LHFPL3: variants seen among roughly 807,000 people sequenced by gnomAD.
LHFPL3 encodes the protein LHFPL tetraspan subfamily member 3 protein.
In LHFPL3, 5 loss-of-function variants were observed where a neutral mutation model predicts 19.3. That is an observed-to-expected ratio of 0.26 (90% CI 0.14 to 0.54). LHFPL3 has a LOEUF of 0.54. LHFPL3 is among the 20% of genes least tolerant of loss of function. The probability of loss-of-function intolerance (pLI) is 0.94; values close to 1 mark genes in which losing one functional copy is unlikely to be tolerated. For synonymous variants in LHFPL3, 133 were observed against 126.2 expected (o/e 1.05, Z -0.36); for missense variants, 249 against 307.4 (o/e 0.81, Z 1.42).
intron 2 of LHFPL3, among the ~76,000 whole-genome samples, chr7:104,844,177 C>T (rs776330253): frequency 2.0e-5 from 3 of 152,222 alleles, no homozygotes; most frequent in Non-Finnish European, 4.4e-5. Context: ...GAGAAGTTCA[C>T]CCGCCTGCAT....
At chr7:104,341,811 C>G (rs1482668494) in intron 1 of LHFPL3, among the ~76,000 whole-genome samples, 1 of 152,086 alleles carries the variant, frequency 6.6e-6, no homozygotes, top group African/African-American at 2.4e-5. Flanking sequence ...AGGGTCAGGT[C>G]CAGACTCATT....
intron 1 of LHFPL3, among the ~76,000 whole-genome samples, chr7:104,565,129 C>T (rs1790094234): frequency 2.0e-5 from 3 of 152,136 alleles, no homozygotes; most frequent in Admixed American, 2.0e-4. Flanking sequence ...AAATAGTGGA[C>T]CAGTAGATTT....
intron 1 of LHFPL3, among the ~76,000 whole-genome samples, chr7:104,440,183 T>TA (rs1369077450): frequency 3.4e-5 from 5 of 146,444 alleles, no homozygotes; most frequent in Non-Finnish European, 6.0e-5. Flanking sequence ...ATAATAATAA[T>TA]AAAAAAATAC....
chr7:104,434,428 G>T (rs1258111854), intron 1 of LHFPL3, among the ~76,000 whole-genome samples: 8 of 152,212 alleles, frequency 5.3e-5, no homozygotes, highest in East Asian at 1.9e-4. Flanking sequence ...GGGATGACAT[G>T]CATCGCTTAC....
intron 1 of LHFPL3, among the ~76,000 whole-genome samples, chr7:104,478,182 T>A (rs1455244890): frequency 6.6e-6 from 1 of 152,226 alleles, no homozygotes; most frequent in Non-Finnish European, 1.5e-5. Flanking sequence ...GACTTTTTTT[T>A]ATTGGATATT....
chr7:104,375,168 G>A lies in LHFPL3; in HGVS notation c.445+45944G>A, dbSNP rs536695777. ...AGCCTGGCCAACATGGTGAAACCCC[G>A]TCTCTACTGAAAATACAAAAATTAG... On this transcript the variant is annotated intron_variant, in intron 1 of 2. Transcript: ENST00000424859. Among the ~76,000 whole-genome samples the A allele has an allele frequency of 3.2e-4, 49 of 152,114 alleles. No homozygotes were observed. The South Asian group carries it at 7.7e-3, about 24-fold the overall frequency.
intron 1 of LHFPL3, among the ~76,000 whole-genome samples, chr7:104,502,843 T>C (rs1382606502): frequency 1.3e-5 from 2 of 152,222 alleles, no homozygotes; most frequent in Non-Finnish European, 2.9e-5. Flanking sequence ...ACAGGATGGT[T>C]CTGATAAGTC....
intron 1 of LHFPL3, among the ~76,000 whole-genome samples, chr7:104,576,711 C>T (rs1227949338): frequency 6.6e-6 from 1 of 152,044 alleles, no homozygotes; most frequent in Non-Finnish European, 1.5e-5. Flanking sequence ...GACCCTGTAG[C>T]CCCCAGTGCC....
intron 1 of LHFPL3, among the ~76,000 whole-genome samples, chr7:104,670,861 G>GTTTTTTTTTTTT (rs765180265): frequency 4.1e-5 from 6 of 146,448 alleles, no homozygotes; most frequent in Non-Finnish European, 9.1e-5. Context: ...AATGTGTTTT[G>GTTTTTTTTTTTT]TTTTGTTTTT....
chr7:104,382,906 C>T (rs1284347144), intron 1 of LHFPL3, among the ~76,000 whole-genome samples: 1 of 82,656 alleles, frequency 1.2e-5, no homozygotes, highest in Non-Finnish European at 2.4e-5. Flanking sequence ...GCAAAATAAT[C>T]AAAATGCCTA....
At chr7:104,565,323 A>C (rs1163650443) in intron 1 of LHFPL3, among the ~76,000 whole-genome samples, 1 of 152,212 alleles carries the variant, frequency 6.6e-6, no homozygotes, top group Non-Finnish European at 1.5e-5. Flanking sequence ...CCTAATAAGA[A>C]AGTTCTGTGC....
At chr7:104,501,021 A>G (rs1793590158) in intron 1 of LHFPL3, among the ~76,000 whole-genome samples, 1 of 152,150 alleles carries the variant, frequency 6.6e-6, no homozygotes. Flanking sequence ...TTGTCATTTT[A>G]TATTGCAACT....
intron 1 of LHFPL3, among the ~76,000 whole-genome samples, chr7:104,502,660 C>T (rs1793622960): frequency 6.6e-6 from 1 of 152,150 alleles, no homozygotes; most frequent in South Asian, 2.1e-4. Context: ...TGTATTTGTG[C>T]AAGATCCTTG....
chr7:104,498,624 C>T (rs979907248), intron 1 of LHFPL3, among the ~76,000 whole-genome samples: 4 of 151,732 alleles, frequency 2.6e-5, no homozygotes, highest in Non-Finnish European at 5.9e-5. Flanking sequence ...ACTACAGGCG[C>T]CTGCCACCAC....
chr7:104,745,302 C>T (rs1486286828), intron 2 of LHFPL3, among the ~76,000 whole-genome samples: 2 of 152,194 alleles, frequency 1.3e-5, no homozygotes, highest in East Asian at 3.9e-4. Context: ...GAACTGCAGC[C>T]ACCATCCAAT....
chr7:104,403,744 TCTC>T (rs1791362408), intron 1 of LHFPL3, among the ~76,000 whole-genome samples: 2 of 152,092 alleles, frequency 1.3e-5, no homozygotes, highest in Middle Eastern at 3.4e-3. Context: ...TCTCTCTCTC[TCTC>T]TCTCTCTCTC....
chr7:104,641,296 G>A (rs540473878), intron 1 of LHFPL3, among the ~76,000 whole-genome samples: 1 of 152,204 alleles, frequency 6.6e-6, no homozygotes, highest in Non-Finnish European at 1.5e-5. Context: ...ATCAACCGCT[G>A]AGTCAAATTA....
chr7:104,411,087 A>C (rs939116331), intron 1 of LHFPL3, among the ~76,000 whole-genome samples: 6 of 152,238 alleles, frequency 3.9e-5, no homozygotes, highest in African/African-American at 1.4e-4. Context: ...GATTAGTTTC[A>C]GTGAGCGTAT....
At chr7:104,798,248 C>G (rs1790171731) in intron 2 of LHFPL3, 1 of 152,076 alleles carries the variant, frequency 6.6e-6, no homozygotes, top group African/African-American at 2.4e-5. Flanking sequence ...AGACACATGC[C>G]TGGCATATAA....
Sources: gnomAD v4.1 joint callset for allele counts (sites outside exome capture counted in the v4.1 genomes callset) on GRCh38, gnomAD v4.1.1 for gene constraint, MANE v1.5 for transcripts, NCBI Gene and HGNC (gene_info 2026-07-23, HGNC 2026-07-21) for gene names.